Variants in COX5A observed in about 807,000 individuals in gnomAD.
The protein encoded by COX5A is cytochrome c oxidase subunit 5A, mitochondrial.
A neutral mutation model predicts 16.1 loss-of-function variants in COX5A; 6 were observed. The observed-to-expected ratio is 0.37, with a 90% confidence interval of 0.20 to 0.73. The LOEUF (loss-of-function observed/expected upper bound fraction) is 0.73. Among genes scored for constraint, COX5A ranks in the 30% least tolerant of loss-of-function variants. The probability of loss-of-function intolerance (pLI) is 0.50; values close to 1 mark genes in which losing one functional copy is unlikely to be tolerated. For synonymous variants in COX5A, 73 were observed against 73.8 expected, an observed-to-expected ratio of 0.99 and a Z score of 0.06; for missense variants, 159 against 194.9, an observed-to-expected ratio of 0.82 and a Z score of 1.10.
intron 1 of COX5A, 79 bp downstream of exon 1, chr15:74,937,836 G>A: frequency 1.1e-6 from 1 of 907,306 alleles, no homozygotes; most frequent in Non-Finnish European, 1.4e-6. Context: ...GCCGGGGAGA[G>A]CCCGCCCCGG....
At chr15:74,936,497 G>C (rs2141275540) in intron 1 of COX5A, among the ~76,000 whole-genome samples, 1 of 152,028 alleles carries the variant, frequency 6.6e-6, no homozygotes, top group Admixed American at 6.6e-5. Flanking sequence ...AGCCCAGCCT[G>C]GGCAACATAG....
At chr15:74,929,428 G>C (rs1406283550) in intron 1 of COX5A, among the ~76,000 whole-genome samples, 196 bp from the exon 2 acceptor site, 5 of 152,152 alleles carry the variant, frequency 3.3e-5, no homozygotes, top group Admixed American at 3.3e-4. Context: ...AGAACAAAAA[G>C]TATTACATAG....
At position 74,937,958 on chromosome 15, in the gene COX5A, A is replaced by C; in HGVS notation, c.57T>G (p.Pro19=). Residue 19 remains proline (P), a synonymous_variant, in exon 1 of 5, where the codon CCT becomes CCG. Coordinates refer to ENST00000322347, the MANE Select transcript of COX5A (RefSeq NM_004255.4). ...CAVAATTRAD[P]RGLLHSARTP... is the part of the protein sequence containing the mutation. ...TCCGGGCGGAGTGCAGGAGGCCTCGAGGGTCGGCCCGGGTGGTTGCGGCCA... is the reference window on the plus strand; with the variant it reads ...TCCGGGCGGAGTGCAGGAGGCCTCGCGGGTCGGCCCGGGTGGTTGCGGCCA... The C allele has an allele frequency of 4.9e-6, 6 of 1,232,984 alleles. No individual in the cohort carries two copies. Among genetic ancestry groups the C allele is most frequent in the Non-Finnish European group, 5.1e-6 (5 of 988,016 alleles). 76.4% of individuals were successfully genotyped at this position (1,232,984 alleles called of 1,614,324 possible). A position where few individuals can be genotyped will look rare whatever the true frequency, so the allele number is the denominator to read the frequency against.
At chr15:74,923,538 C>T in intron 4 of COX5A, 110 bp downstream of exon 4, 1 of 557,854 alleles carries the variant, frequency 1.8e-6, no homozygotes, top group South Asian at 2.7e-5. Context: ...TGCTCACGGC[C>T]ATTACCTCTA....
intron 1 of COX5A, among the ~76,000 whole-genome samples, chr15:74,932,196 G>A (rs530142219): frequency 1.3e-5 from 2 of 152,234 alleles, no homozygotes; most frequent in South Asian, 2.1e-4. Context: ...ATCTAAAAAC[G>A]TCTTAGTTGT....
chr15:74,930,093 CAAACAA>C (rs201496748), intron 1 of COX5A, among the ~76,000 whole-genome samples: 3,235 of 146,052 alleles, frequency 0.022, 55 homozygotes, highest in East Asian at 0.073. Context: ...AACAAACAAA[CAAACAA>C]AAACAAAAAC....
intron 1 of COX5A, among the ~76,000 whole-genome samples, chr15:74,935,637 T>C (rs1360403399): frequency 6.6e-6 from 1 of 151,224 alleles, no homozygotes; most frequent in Non-Finnish European, 1.5e-5. Flanking sequence ...ATAAAAAATT[T>C]TTTTTTTGAG....
chr15:74,931,538 ATG>A (rs745677653), intron 1 of COX5A, among the ~76,000 whole-genome samples: 77 of 150,890 alleles, frequency 5.1e-4, no homozygotes, highest in Non-Finnish European at 8.8e-4. Flanking sequence ...AGAGTACTGT[ATG>A]AAAAGCATTT....
chr15:74,932,896 C>T (rs2065373302), intron 1 of COX5A, among the ~76,000 whole-genome samples: 1 of 151,612 alleles, frequency 6.6e-6, no homozygotes, highest in Non-Finnish European at 1.5e-5. Flanking sequence ...CAAAGTTTCA[C>T]CATGTTAGTC....
chr15:74,925,696 T>G (rs1312349188), intron 3 of COX5A, among the ~76,000 whole-genome samples: 1 of 151,818 alleles, frequency 6.6e-6, no homozygotes, highest in African/African-American at 2.4e-5. Flanking sequence ...CCGACACAAA[T>G]ATGTTTAAAG....
chr15:74,935,323 C>T (rs757701004), intron 1 of COX5A, among the ~76,000 whole-genome samples: 5 of 151,654 alleles, frequency 3.3e-5, no homozygotes, highest in Admixed American at 6.6e-5. Flanking sequence ...AAAACCACAA[C>T]AACAGAAGAA....
chr15:74,927,485 T>G (rs2065349497), intron 2 of COX5A, among the ~76,000 whole-genome samples: 1 of 152,136 alleles, frequency 6.6e-6, no homozygotes, highest in Admixed American at 6.6e-5. Flanking sequence ...CTCCTATCTT[T>G]AACTCTTAGT....
At chr15:74,923,937 T>C (rs2065332509) in intron 3 of COX5A, among the ~76,000 whole-genome samples, 167 bp from the exon 4 acceptor site, 1 of 152,134 alleles carries the variant, frequency 6.6e-6, no homozygotes, top group Non-Finnish European at 1.5e-5. Flanking sequence ...CCCAGCACTT[T>C]GGGAGGCTGA....
intron 4 of COX5A, among the ~76,000 whole-genome samples, chr15:74,922,318 G>A (rs1201814431): frequency 5.3e-5 from 8 of 151,506 alleles, no homozygotes; most frequent in East Asian, 3.9e-4. Flanking sequence ...CCCGGGAGGC[G>A]GAAGTTCAGT....
In COX5A at chr15:74,923,630, C is replaced by T. The variant is rs1472103741; in HGVS notation, c.*9+18G>A. The T allele has an allele frequency of 7.1e-7, 1 of 1,410,040 alleles. No homozygotes were observed. Among genetic ancestry groups the T allele is most frequent in the Admixed American group, 1.7e-5 (1 of 59,636 alleles). 87.3% of individuals were successfully genotyped at this position (1,410,040 alleles called of 1,614,324 possible). A position where few individuals can be genotyped will look rare whatever the true frequency, so the allele number is the denominator to read the frequency against. On this transcript the variant is annotated intron_variant, in intron 4 of 4. Coordinates refer to ENST00000322347, the MANE Select transcript of COX5A (RefSeq NM_004255.4). ...CTCTGGATTGTTTTCCTGCCTTCTT[C>T]AGTGGTTTGTCGCTTACCCATGCGG...
At chr15:74,936,082 C>T (rs1008613649) in intron 1 of COX5A, among the ~76,000 whole-genome samples, 4 of 151,428 alleles carry the variant, frequency 2.6e-5, no homozygotes, top group African/African-American at 7.3e-5. Context: ...CCTGACCTCA[C>T]GAGCTCGAAA....
intron 2 of COX5A, 58 bp downstream of exon 2, chr15:74,929,058 G>T: frequency 1.7e-6 from 2 of 1,183,542 alleles, no homozygotes; most frequent in Non-Finnish European, 2.5e-6. Flanking sequence ...CAATAAAGGA[G>T]CAGAAGCAGT....
At chr15:74,934,902 T>C (rs1428602302) in intron 1 of COX5A, among the ~76,000 whole-genome samples, 1 of 152,158 alleles carries the variant, frequency 6.6e-6, no homozygotes, top group Non-Finnish European at 1.5e-5. Flanking sequence ...ATGAGGACAT[T>C]TTTAGGGCTT....
At chr15:74,927,702 G>C (rs1016784489) in intron 2 of COX5A, among the ~76,000 whole-genome samples, 2 of 152,044 alleles carry the variant, frequency 1.3e-5, no homozygotes, top group Non-Finnish European at 2.9e-5. Flanking sequence ...AACCCAGGTG[G>C]TGGAGGTTGC....
Sources: allele counts gnomAD v4.1 joint callset (sites outside exome capture counted in the v4.1 genomes callset), GRCh38; gene constraint gnomAD v4.1.1; transcripts MANE v1.5; gene names NCBI Gene and HGNC (gene_info 2026-07-23, HGNC 2026-07-21).